The following MGMT variants were observed in gnomAD, a reference collection of about 807,000 sequenced individuals.
MGMT encodes the protein O-6-methylguanine-DNA methyltransferase, also known as methylated-DNA--protein-cysteine methyltransferase.
In MGMT, 14 loss-of-function variants were observed where a neutral mutation model predicts 15.9. The observed-to-expected ratio is 0.88, with a 90% CI of 0.58 to 1.37. The LOEUF is 1.37. Among genes scored for constraint, MGMT ranks in the 40% most tolerant of loss-of-function variants. The pLI, the probability that MGMT is intolerant of heterozygous loss-of-function variation, is 0.00. For missense variants in MGMT, 282 were observed against 268.1 expected (o/e 1.05, Z -0.36); for synonymous variants, 130 against 118.2 (o/e 1.10, Z -0.65).
intron 3 of MGMT, among the ~76,000 whole-genome samples, chr10:129,709,718 G>C (rs1038204911): frequency 6.6e-6 from 1 of 152,136 alleles, no homozygotes; most frequent in Non-Finnish European, 1.5e-5. Context: ...GAAAAACATA[G>C]GGGCAAAAGT....
At chr10:129,668,347 G>A (rs190314790) in intron 2 of MGMT, among the ~76,000 whole-genome samples, 45 of 152,070 alleles carry the variant, frequency 3.0e-4, no homozygotes, top group Non-Finnish European at 6.0e-4. Context: ...GGGCCAGAGT[G>A]GGCCAGGCTG....
chr10:129,766,849 C>A lies in MGMT; in HGVS notation c.476C>A (p.Ser159Tyr). ...AGCAGCGGAGCCGTGGGCAACTACT[C>A]CGGAGGACTGGCCGTGAAGGAATGG... ...VCSSGAVGNY[S>Y]GGLAVKEWLL... Residue 159 changes from serine (S) to tyrosine (Y), a missense_variant, in exon 5 of 5, where the codon TCC becomes TAC. Physicochemically the swap from Ser to Tyr is moderately radical, Grantham distance 144. Transcript: ENST00000651593. 2 of 1,613,760 alleles carry A rather than the reference C, an allele frequency of 1.2e-6. No homozygotes were observed. Among genetic ancestry groups the A allele is most frequent in the Non-Finnish European group, 1.7e-6 (2 of 1,180,046 alleles).
chr10:129,758,410 G>A (rs530489220), intron 3 of MGMT, among the ~76,000 whole-genome samples: 6 of 152,216 alleles, frequency 3.9e-5, no homozygotes, highest in African/African-American at 1.4e-4. Context: ...GTCCCCCTTG[G>A]AAAGACAATA....
chr10:129,552,731 G>A (rs1564850134), intron 2 of MGMT, among the ~76,000 whole-genome samples: 2 of 152,210 alleles, frequency 1.3e-5, no homozygotes, highest in South Asian at 2.1e-4. Context: ...CGAGGGCAGG[G>A]CCACGCGGTC....
At chr10:129,669,397 C>A (rs1005720703) in intron 2 of MGMT, among the ~76,000 whole-genome samples, 1 of 152,084 alleles carries the variant, frequency 6.6e-6, no homozygotes, top group African/African-American at 2.4e-5. Flanking sequence ...TTTTTAATGA[C>A]CCCACTTCTG....
chr10:129,748,071 C>T (rs1313652348), intron 3 of MGMT, among the ~76,000 whole-genome samples: 2 of 152,096 alleles, frequency 1.3e-5, no homozygotes, highest in Admixed American at 1.3e-4. Flanking sequence ...AGTTACCTTC[C>T]CCCATCTCCC....
intron 2 of MGMT, among the ~76,000 whole-genome samples, chr10:129,618,107 C>A (rs1323705699): frequency 2.0e-5 from 3 of 152,022 alleles, no homozygotes; most frequent in African/African-American, 7.2e-5. Flanking sequence ...TAGAGCCAGG[C>A]CCCTTGGGAT....
At chr10:129,652,834 G>A (rs1003682673) in intron 2 of MGMT, among the ~76,000 whole-genome samples, 3 of 152,238 alleles carry the variant, frequency 2.0e-5, no homozygotes, top group Non-Finnish European at 4.4e-5. Context: ...AAGCGTGCCC[G>A]TGCACCCATG....
At chr10:129,475,008 G>GT (rs1845274961) in intron 1 of MGMT, among the ~76,000 whole-genome samples, 1 of 152,140 alleles carries the variant, frequency 6.6e-6, no homozygotes, top group South Asian at 2.1e-4. Flanking sequence ...TTGTTGGGGG[G>GT]GGTGTTGGGG....
chr10:129,680,075 G>A (rs887274183), intron 2 of MGMT, among the ~76,000 whole-genome samples: 3 of 152,196 alleles, frequency 2.0e-5, no homozygotes, highest in African/African-American at 7.2e-5. Context: ...AGTGGCCAAC[G>A]AGCCCAGCAG....
intron 2 of MGMT, among the ~76,000 whole-genome samples, chr10:129,679,104 A>G (rs12248703): frequency 0.44 from 66,339 of 151,690 alleles, 17,245 homozygotes; most frequent in African/African-American, 0.73. Flanking sequence ...GATATTCTTG[A>G]TAGGAAGTAA....
intron 1 of MGMT, among the ~76,000 whole-genome samples, chr10:129,529,033 C>T (rs1189681120): frequency 2.6e-5 from 4 of 151,878 alleles, no homozygotes; most frequent in African/African-American, 7.3e-5. Flanking sequence ...TGACTGTTTT[C>T]GGCGGCTTCT....
intron 2 of MGMT, among the ~76,000 whole-genome samples, chr10:129,568,827 C>T (rs1413969892): frequency 6.6e-6 from 1 of 152,102 alleles, no homozygotes; most frequent in South Asian, 2.1e-4. Context: ...CACCAGTGCC[C>T]GCCATTTCTT....
intron 3 of MGMT, among the ~76,000 whole-genome samples, chr10:129,735,291 G>A (rs1357594436): frequency 1.3e-5 from 2 of 152,290 alleles, no homozygotes; most frequent in East Asian, 1.9e-4. Context: ...AGTCTTGGGA[G>A]AGTGTATGTG....
At chr10:129,676,209 C>T (rs1031989871) in intron 2 of MGMT, among the ~76,000 whole-genome samples, 3 of 152,196 alleles carry the variant, frequency 2.0e-5, no homozygotes, top group Non-Finnish European at 2.9e-5. Flanking sequence ...GGCATTGGGC[C>T]GGATGTTACT....
At chr10:129,705,309 G>A (rs918065515) in intron 2 of MGMT, among the ~76,000 whole-genome samples, 7 of 152,226 alleles carry the variant, frequency 4.6e-5, no homozygotes, top group African/African-American at 1.7e-4. Context: ...TGCAAAAGAG[G>A]TTCGTGCTGC....
intron 2 of MGMT, among the ~76,000 whole-genome samples, chr10:129,574,990 A>G (rs1846463156): frequency 1.3e-5 from 2 of 152,078 alleles, no homozygotes; most frequent in South Asian, 2.1e-4. Context: ...GATTCTAGCA[A>G]CTGCCTGGCC....
chr10:129,712,088 G>A (rs1407258300), intron 3 of MGMT, among the ~76,000 whole-genome samples: 1 of 152,178 alleles, frequency 6.6e-6, no homozygotes, highest in Admixed American at 6.5e-5. Flanking sequence ...TACGGAAAGC[G>A]AGGATGGACT....
At chr10:129,471,692 C>G (rs554418318) in intron 1 of MGMT, among the ~76,000 whole-genome samples, 15 of 152,128 alleles carry the variant, frequency 9.9e-5, no homozygotes, top group African/African-American at 3.6e-4. Flanking sequence ...TTGCAGGGCC[C>G]CATGGGAGAC....
Sources: gnomAD v4.1 joint callset for allele counts (sites outside exome capture counted in the v4.1 genomes callset) on GRCh38, gnomAD v4.1.1 for gene constraint, MANE v1.5 for transcripts, NCBI Gene and HGNC (gene_info 2026-07-23, HGNC 2026-07-21) for gene names.